The following SORCS1 variants were observed in gnomAD, a reference collection of about 807,000 sequenced individuals.
SORCS1 encodes the protein sortilin related VPS10 domain containing receptor 1.
In SORCS1, 60 loss-of-function variants were observed where a neutral mutation model predicts 146.1. The observed-to-expected ratio is 0.41, with a 90% CI of 0.33 to 0.51. The LOEUF is 0.51. Ranked by LOEUF, SORCS1 falls within the 20% of genes least tolerant of loss-of-function variation. The pLI, the probability that SORCS1 is intolerant of heterozygous loss-of-function variation, is 0.21. For missense variants in SORCS1, 1,352 were observed against 1,487.6 expected (o/e 0.91, Z 1.50); for synonymous variants, 637 against 584.0 (o/e 1.09, Z -1.31).
intron 20 of SORCS1, 26 bp from the exon 21 acceptor site, chr10:106,618,298 A>T: frequency 6.2e-7 from 1 of 1,611,404 alleles, no homozygotes; most frequent in South Asian, 1.1e-5. Context: ...GCCCAGAGTG[A>T]AGGGAAAGCT....
intron 5 of SORCS1, among the ~76,000 whole-genome samples, chr10:106,755,710 T>C (rs979112695): frequency 6.6e-6 from 1 of 152,196 alleles, no homozygotes; most frequent in Non-Finnish European, 1.5e-5. Flanking sequence ...GGTAGATATG[T>C]GTCTGACCTA....
intron 1 of SORCS1, among the ~76,000 whole-genome samples, chr10:106,985,044 G>T (rs1956405239): frequency 6.6e-6 from 1 of 152,132 alleles, no homozygotes; most frequent in South Asian, 2.1e-4. Context: ...AAAATCAGCT[G>T]GGCATGGTGG....
chr10:107,100,372 G>A (rs2134374489), intron 1 of SORCS1, among the ~76,000 whole-genome samples: 1 of 152,124 alleles, frequency 6.6e-6, no homozygotes, highest in East Asian at 1.9e-4. Flanking sequence ...AACTTAGCTG[G>A]GCGTGGTGGC....
chr10:106,831,348 G>A lies in SORCS1; in HGVS notation c.627-1675C>T, dbSNP rs575333064. Among the ~76,000 whole-genome samples the A allele has an allele frequency of 2.0e-5, 3 of 152,266 alleles. 1 individual carries two copies. The highest frequency in any genetic ancestry group is 2.0e-4 in the Admixed American group (3 of 15,286). On this transcript the variant is annotated intron_variant, in intron 2 of 25. Transcript: ENST00000263054. ...GCACTCCTAAGACTTACCAGACAGT[G>A]TTGCTAAGTGTAAGGACATAGCACA...
At chr10:107,132,359 T>C (rs748470504) in intron 1 of SORCS1, among the ~76,000 whole-genome samples, 1 of 152,222 alleles carries the variant, frequency 6.6e-6, no homozygotes, top group Non-Finnish European at 1.5e-5. Context: ...ATCCCACCCA[T>C]TCTGCTCTTA....
intron 1 of SORCS1, among the ~76,000 whole-genome samples, chr10:107,090,553 G>A (rs1327018404): frequency 1.3e-5 from 2 of 152,084 alleles, no homozygotes; most frequent in Non-Finnish European, 2.9e-5. Flanking sequence ...AATATTTTTG[G>A]AGATATTAAA....
intron 6 of SORCS1, among the ~76,000 whole-genome samples, chr10:106,726,359 C>CAAAAAAAAAAAAAAAAA (rs60801871): frequency 2.1e-4 from 9 of 43,582 alleles, no homozygotes; most frequent in Non-Finnish European, 3.0e-4. Context: ...GCTGCCTTCG[C>CAAAAAAAAAAAAAAAAA]AAAAAAAAAA....
intron 3 of SORCS1, among the ~76,000 whole-genome samples, chr10:106,785,714 G>A (rs1022581147): frequency 3.3e-5 from 5 of 152,132 alleles, no homozygotes; most frequent in Admixed American, 1.3e-4. Flanking sequence ...AAAAGACTAC[G>A]GAGACCACCA....
intron 2 of SORCS1, among the ~76,000 whole-genome samples, chr10:106,838,914 C>T (rs1042883521): frequency 6.6e-6 from 1 of 152,104 alleles, no homozygotes; most frequent in Admixed American, 6.6e-5. Flanking sequence ...CTATTATAAT[C>T]ATTTTGGGGT....
intron 1 of SORCS1, among the ~76,000 whole-genome samples, chr10:107,113,638 G>A (rs980459028): frequency 6.7e-5 from 10 of 148,984 alleles, no homozygotes; most frequent in Middle Eastern, 3.4e-3. Context: ...TGCAGTGAGC[G>A]GAGATCACAC....
In SORCS1 at chr10:107,109,598, T is replaced by TA. The variant is rs1234185692; in HGVS notation, c.558+54370_558+54371insT. On this transcript the variant is annotated intron_variant, in intron 1 of 25. Coordinates refer to ENST00000263054, the MANE Select transcript of SORCS1 (RefSeq NM_052918.5). ...TCCACTTAGACCTCTGGGCCTATGA[T>TA]GAGAAGGGCTGCCACAAACCTCTCT... 3.9e-5 allele frequency among the ~76,000 whole-genome samples: 6 copies of TA among 152,212 alleles called. No homozygotes were observed. In the East Asian group the frequency reaches 9.6e-4, roughly 24 times the overall value.
chr10:106,648,834 A>G (rs912306546), intron 18 of SORCS1, among the ~76,000 whole-genome samples: 2 of 151,966 alleles, frequency 1.3e-5, no homozygotes, highest in African/African-American at 4.8e-5. Flanking sequence ...GTGTTTCCCA[A>G]GACCACCCTA....
chr10:106,812,512 CA>C (rs1947517333), intron 3 of SORCS1, among the ~76,000 whole-genome samples: 1 of 152,114 alleles, frequency 6.6e-6, no homozygotes, highest in Non-Finnish European at 1.5e-5. Context: ...TTTCTAGTTC[CA>C]ATTTAGGTCT....
At chr10:106,917,203 G>A (rs1468309229) in intron 2 of SORCS1, among the ~76,000 whole-genome samples, 3 of 152,114 alleles carry the variant, frequency 2.0e-5, no homozygotes, top group Non-Finnish European at 4.4e-5. Flanking sequence ...TTCCAAATAT[G>A]ATTACCCCAA....
chr10:107,137,543 A>T (rs780328848), intron 1 of SORCS1, among the ~76,000 whole-genome samples: 1 of 152,164 alleles, frequency 6.6e-6, no homozygotes, highest in Non-Finnish European at 1.5e-5. Context: ...TCTGTCCCAA[A>T]ACTGAAAACT....
intron 2 of SORCS1, among the ~76,000 whole-genome samples, chr10:106,878,066 C>A (rs868382956): frequency 2.6e-4 from 40 of 152,264 alleles, no homozygotes; most frequent in Middle Eastern, 3.4e-3. Flanking sequence ...CTATGAATGT[C>A]CCCATGGTAT....
At chr10:106,898,986 A>G (rs951456271) in intron 2 of SORCS1, among the ~76,000 whole-genome samples, 2 of 152,116 alleles carry the variant, frequency 1.3e-5, no homozygotes, top group African/African-American at 4.8e-5. Flanking sequence ...AGATTAATTG[A>G]TTTTAGATTT....
intron 2 of SORCS1, among the ~76,000 whole-genome samples, chr10:106,950,229 A>C (rs1954602737): frequency 6.6e-6 from 1 of 152,248 alleles, no homozygotes; most frequent in South Asian, 2.1e-4. Flanking sequence ...ATGTGTAATC[A>C]ATGACAAGAC....
intron 3 of SORCS1, among the ~76,000 whole-genome samples, chr10:106,794,571 C>T (rs1215842029): frequency 6.8e-6 from 1 of 147,210 alleles, no homozygotes; most frequent in Non-Finnish European, 1.5e-5. Flanking sequence ...GGCACGATCT[C>T]GGCTCACTGC....
Sources: allele counts gnomAD v4.1 joint callset (sites outside exome capture counted in the v4.1 genomes callset), GRCh38; gene constraint gnomAD v4.1.1; transcripts MANE v1.5; gene names NCBI Gene and HGNC (gene_info 2026-07-23, HGNC 2026-07-21).